SPINK13: variants seen among roughly 807,000 people sequenced by gnomAD.
The protein encoded by SPINK13 is serine peptidase inhibitor Kazal type 13, also known as serine protease inhibitor Kazal-type 13.
A neutral mutation model predicts 11.0 loss-of-function variants in SPINK13; 11 were observed. The observed-to-expected ratio is 1.00, with a 90% CI of 0.63 to 1.65. The LOEUF (loss-of-function observed/expected upper bound fraction) is 1.65. Ranked by LOEUF, SPINK13 falls within the 40% of genes most tolerant of loss-of-function variation. The pLI is 0.00. For synonymous variants in SPINK13, 31 were observed against 35.6 expected, an observed-to-expected ratio of 0.87 and a Z score of 0.46; for missense variants, 113 against 117.7, an observed-to-expected ratio of 0.96 and a Z score of 0.19.
chr5:148,269,245 T>C (rs765721402), intron 1 of SPINK13, among the ~76,000 whole-genome samples: 8 of 152,204 alleles, frequency 5.3e-5, no homozygotes, highest in African/African-American at 1.7e-4. Context: ...TTAATATCAG[T>C]TGATTCTTTC....
intron 1 of SPINK13, among the ~76,000 whole-genome samples, chr5:148,269,226 C>G (rs935925516): frequency 6.6e-6 from 1 of 152,140 alleles, no homozygotes; most frequent in Non-Finnish European, 1.5e-5. Flanking sequence ...TGTTTAAACT[C>G]TACTTATATT....
At position 148,282,170 on chromosome 5, in the gene SPINK13, C is replaced by G; in HGVS notation, c.175C>G (p.Pro59Ala). The G allele has an allele frequency of 1.2e-6, 2 of 1,614,166 alleles. No homozygotes were observed. The highest frequency in any genetic ancestry group is 1.7e-6 in the Non-Finnish European group (2 of 1,180,032). Residue 59 changes from proline (P) to alanine (A), a missense_variant, in exon 4 of 5, where the codon CCT becomes GCT. Transcript: ENST00000398450. ...YNADCPNVTA[P>A]VCASNGHTFQ... ...TGCAGACTGCCCCAATGTGACAGCACCTGTTTGTGCCTCAAATGGCCACAC... is the reference window on the plus strand; with the variant it reads ...TGCAGACTGCCCCAATGTGACAGCAGCTGTTTGTGCCTCAAATGGCCACAC...
intron 2 of SPINK13, 76 bp downstream of exon 2, chr5:148,270,218 T>C: frequency 2.7e-6 from 4 of 1,481,110 alleles, no homozygotes; most frequent in African/African-American, 1.4e-5. Flanking sequence ...AGTAATTTTT[T>C]ACTTTTATGG....
At chr5:148,274,407 T>C in intron 3 of SPINK13, 23 bp downstream of exon 3, 1 of 1,597,372 alleles carries the variant, frequency 6.3e-7, no homozygotes. Context: ...TTCTCAGTTC[T>C]AGGTTGTAAT....
Position 148,282,156 on chromosome 5 carries a change from C to A in SPINK13, c.161C>A (p.Pro54His). The A allele has an allele frequency of 1.9e-6, 3 of 1,614,154 alleles. No homozygotes were observed. Among genetic ancestry groups the A allele is most frequent in the Non-Finnish European group, 2.5e-6 (3 of 1,180,032 alleles). ...PLDPDYNADC[P>H]NVTAPVCASN... ...GACCCTGATTACAATGCAGACTGCC[C>A]CAATGTGACAGCACCTGTTTGTGCC... The change falls in exon 4 of 5, where the codon CCC (proline) becomes CAC (histidine). Residue 54 changes from proline to histidine, a missense_variant. Transcript: ENST00000398450.
chr5:148,276,348 T>C (rs1756429573), intron 3 of SPINK13, among the ~76,000 whole-genome samples: 1 of 152,170 alleles, frequency 6.6e-6, no homozygotes, highest in Admixed American at 6.5e-5. Context: ...GCTTTTGGTG[T>C]TTTTTAGTCA....
chr5:148,278,258 T>A (rs1303867492), intron 3 of SPINK13, among the ~76,000 whole-genome samples: 1 of 152,318 alleles, frequency 6.6e-6, no homozygotes, highest in African/African-American at 2.4e-5. Context: ...GGTTTTTGAG[T>A]CTCTATCGCC....
chr5:148,275,127 C>T (rs1756406019), intron 3 of SPINK13, among the ~76,000 whole-genome samples: 1 of 152,090 alleles, frequency 6.6e-6, no homozygotes, highest in Non-Finnish European at 1.5e-5. Flanking sequence ...AATGCTATTC[C>T]TCCCCTTGTC....
At chr5:148,269,849 A>AT (rs1161551866) in intron 1 of SPINK13, among the ~76,000 whole-genome samples, 191 bp from the exon 2 acceptor site, 14 of 152,128 alleles carry the variant, frequency 9.2e-5, no homozygotes, top group East Asian at 1.9e-4. Context: ...AAAAAAAGTC[A>AT]TTTTTTTATG....
intron 2 of SPINK13, chr5:148,270,745 A>G (rs1756338453): frequency 2.0e-5 from 3 of 152,386 alleles, no homozygotes; most frequent in Admixed American, 2.0e-4. Flanking sequence ...AGATTGAAAA[A>G]TTATACTGGA....
intron 4 of SPINK13, among the ~76,000 whole-genome samples, chr5:148,283,863 T>C (rs1269926302): frequency 6.6e-6 from 1 of 152,210 alleles, no homozygotes; most frequent in Non-Finnish European, 1.5e-5. Flanking sequence ...TTGCTGATAA[T>C]GCCCTGGCCT....
chr5:148,271,726 G>A (rs371009481), intron 2 of SPINK13, among the ~76,000 whole-genome samples: 4 of 152,082 alleles, frequency 2.6e-5, no homozygotes, highest in African/African-American at 9.7e-5. Context: ...CCGGATTCAC[G>A]CCGTTCTCCT....
chr5:148,282,150 A>G lies in SPINK13; in HGVS notation c.155A>G (p.Asp52Gly), dbSNP rs1756525295. The change falls in exon 4 of 5, where the codon GAC becomes GGC. Residue 52 changes from aspartate to glycine, a missense_variant. By Grantham distance (94) the Asp-to-Gly change is moderately conservative. Coordinates refer to ENST00000398450, the MANE Select transcript of SPINK13 (RefSeq NM_001040129.3). ...YIPLDPDYNA[D>G]CPNVTAPVCA... is the part of the protein sequence containing the mutation. ...CCACTGGACCCTGATTACAATGCAG[A>G]CTGCCCCAATGTGACAGCACCTGTT... 2.5e-6 allele frequency: 4 copies of G among 1,614,234 alleles called. No individual in the cohort carries two copies. The highest frequency in any genetic ancestry group is 3.4e-6 in the Non-Finnish European group (4 of 1,180,036).
rs781123627 is a variant in SPINK13, at chr5:148,286,093, T to A, written c.*45T>A. ...ACTTGCTTATTCTTTTTCTACTTAA[T>A]TCAGAATAGTATTTCTTTTAGAGTG... On this transcript the variant is annotated 3_prime_UTR_variant, in exon 5 of 5. Transcript: ENST00000398450. 1.7e-6 allele frequency: 2 copies of A among 1,211,434 alleles called. No individual in the cohort carries two copies. The highest frequency in any genetic ancestry group is 2.3e-6 in the Non-Finnish European group (2 of 871,930). 75.0% of individuals were successfully genotyped at this position (1,211,434 alleles called of 1,614,324 possible).
In SPINK13 at chr5:148,274,343, G is replaced by T; in HGVS notation, c.71-4G>T. On this transcript the variant is annotated splice_polypyrimidine_tract_variant and splice_region_variant and intron_variant, in intron 2 of 4. Transcript: ENST00000398450. ...AACTTACTGTGTTTATTCTTTATTAGCAGGAATTTTCAATAAACGTGACTT... is the reference window on the plus strand; with the variant it reads ...AACTTACTGTGTTTATTCTTTATTATCAGGAATTTTCAATAAACGTGACTT... 6.2e-7 allele frequency: 1 copy of T among 1,610,260 alleles called. No individual in the cohort carries two copies. Among genetic ancestry groups the T allele is most frequent in the Non-Finnish European group, 8.5e-7 (1 of 1,176,920 alleles).
In SPINK13 at chr5:148,268,847, C is replaced by G. The variant is rs954266421; in HGVS notation, c.-75C>G. On this transcript the variant is annotated 5_prime_UTR_variant, in exon 1 of 5. Transcript: ENST00000398450. The stretch of plus-strand genomic sequence containing the variant: ...TCTTCTCAAGGCTAGTTGTGACATC[C>G]AAAGTGACAAGAGCAGGCCCATATT... 2 of 152,516 alleles carry G rather than the reference C, an allele frequency of 1.3e-5. No individual in the cohort carries two copies. Among genetic ancestry groups the G allele is most frequent in the Non-Finnish European group, 2.9e-5 (2 of 68,264 alleles). 9.4% of individuals were successfully genotyped at this position (152,516 alleles called of 1,614,324 possible).
Position 148,274,378 on chromosome 5 carries a change from G to C in SPINK13, c.102G>C (p.Trp34Cys). 1.9e-6 allele frequency: 3 copies of C among 1,611,534 alleles called. No homozygotes were observed. The highest frequency in any genetic ancestry group is 2.5e-6 in the Non-Finnish European group (3 of 1,178,098). Residue 34 changes from tryptophan to cysteine, a missense_variant, in exon 3 of 5, where the codon TGG becomes TGC. Trp to Cys is a radical substitution (Grantham distance 215). Coordinates refer to ENST00000398450, the MANE Select transcript of SPINK13 (RefSeq NM_001040129.3). ...GIFNKRDFTR[W>C]PKPRCKMYIP... ...TCAATAAACGTGACTTCACTAGGTG[G>C]CCTAAGGTAAATTTAAATTTCTCAG...
intron 2 of SPINK13, chr5:148,270,621 A>T (rs1756336396): frequency 6.5e-6 from 1 of 153,288 alleles, no homozygotes; most frequent in Non-Finnish European, 1.5e-5. Context: ...CCTGCTAATT[A>T]TAGATGGAAT....
intron 2 of SPINK13, among the ~76,000 whole-genome samples, chr5:148,272,862 C>T (rs893489904): frequency 6.6e-6 from 1 of 152,172 alleles, no homozygotes; most frequent in African/African-American, 2.4e-5. Context: ...ACATTGAACT[C>T]TAATTTGTAG....
Sources: gnomAD v4.1 joint callset for allele counts (sites outside exome capture counted in the v4.1 genomes callset) on GRCh38, gnomAD v4.1.1 for gene constraint, MANE v1.5 for transcripts, NCBI Gene and HGNC (gene_info 2026-07-23, HGNC 2026-07-21) for gene names.